The following DHX29 variants were observed in gnomAD, a reference collection of about 807,000 sequenced individuals.
The protein encoded by DHX29 is DExH-box helicase 29.
DHX29 carries 79 observed loss-of-function variants against 167.9 expected under a neutral mutation model. That is an observed-to-expected ratio of 0.47 (90% CI 0.39 to 0.57). DHX29 has a LOEUF of 0.57. DHX29 is among the 20% of genes least tolerant of loss of function. The probability of loss-of-function intolerance (pLI) is 0.00; values close to 1 mark genes in which losing one functional copy is unlikely to be tolerated. For missense variants in DHX29, 1,347 were observed against 1,593.4 expected (o/e 0.85, Z 2.63); for synonymous variants, 530 against 546.0 (o/e 0.97, Z 0.41).
At chr5:55,277,369 TAA>T (rs1017912674) in intron 12 of DHX29, 87 bp from the exon 13 acceptor site, 34 of 859,936 alleles carry the variant, frequency 4.0e-5, no homozygotes, top group Non-Finnish European at 5.6e-5. Context: ...CCAGATTTAC[TAA>T]AAGTTATTCA....
At chr5:55,267,033 T>C in intron 23 of DHX29, 105 bp downstream of exon 23, 1 of 671,944 alleles carries the variant, frequency 1.5e-6, no homozygotes, top group Non-Finnish European at 2.5e-6. Context: ...AAATGTTTAC[T>C]AAGCCCTTAC....
At position 55,261,461 on chromosome 5, in the gene DHX29, T is replaced by C; in HGVS notation, c.3867A>G (p.Leu1289=). The C allele has an allele frequency of 1.3e-6, 2 of 1,575,104 alleles. No individual in the cohort carries two copies. The highest frequency in any genetic ancestry group is 1.7e-6 in the Non-Finnish European group (2 of 1,145,080). ...AAAGTAAAACTGGAAAAGGGGTTAT[T>C]AGGGTAGTTTCTCTCAAATACACTC... is the stretch of plus-strand genomic sequence containing the variant. ...YARVYLRETT[L]ITPFPVLLFG... The change falls in exon 25 of 27, where the codon CTA becomes CTG. Residue 1289 remains leucine, a synonymous_variant. Transcript: ENST00000251636.
At chr5:55,299,867 C>T (rs1748514444) in intron 1 of DHX29, among the ~76,000 whole-genome samples, 1 of 152,168 alleles carries the variant, frequency 6.6e-6, no homozygotes, top group Non-Finnish European at 1.5e-5. Flanking sequence ...CAAGTCTGTT[C>T]CAGTGAACAG....
At chr5:55,263,291 T>C (rs190952386) in intron 23 of DHX29, among the ~76,000 whole-genome samples, 5 of 152,314 alleles carry the variant, frequency 3.3e-5, no homozygotes, top group East Asian at 1.9e-4. Flanking sequence ...TGAGAAAGAA[T>C]TGACAGAAAT....
chr5:55,301,331 GA>G (rs1748587895), intron 1 of DHX29, among the ~76,000 whole-genome samples: 1 of 152,144 alleles, frequency 6.6e-6, no homozygotes, highest in South Asian at 2.1e-4. Flanking sequence ...GAATTATTAT[GA>G]AAAGTTTTCA....
At chr5:55,266,426 C>T (rs1746575275) in intron 23 of DHX29, among the ~76,000 whole-genome samples, 1 of 151,016 alleles carries the variant, frequency 6.6e-6, no homozygotes, top group Non-Finnish European at 1.5e-5. Context: ...TCTTGTGCCT[C>T]AGCCTCCCGA....
chr5:55,281,501 T>C lies in DHX29; in HGVS notation c.1980A>G (p.Gly660=), dbSNP rs768561188. 2.5e-6 allele frequency: 4 copies of C among 1,591,920 alleles called. No individual in the cohort carries two copies. Among genetic ancestry groups the C allele is most frequent in the Admixed American group, 1.8e-5 (1 of 56,694 alleles). The part of the protein sequence containing the change: ...NGPGGRNSLC[G]YQIRMESRAC... ...CTCGAGATTCCATCCGGATCTGATA[T>C]CCACACAAGGAATTCTAAAGGGAGA... The change falls in exon 12 of 27, where the codon GGA becomes GGG. Residue 660 remains glycine, a synonymous_variant. Coordinates refer to ENST00000251636, the MANE Select transcript of DHX29 (RefSeq NM_019030.4).
intron 1 of DHX29, among the ~76,000 whole-genome samples, chr5:55,306,016 G>A (rs1206221829): frequency 6.6e-6 from 1 of 152,138 alleles, no homozygotes; most frequent in Non-Finnish European, 1.5e-5. Context: ...ATGACTATCG[G>A]TTCAAATTCA....
chr5:55,307,341 G>A (rs1165661044), intron 1 of DHX29, 46 bp downstream of exon 1: 1 of 1,538,166 alleles, frequency 6.5e-7, no homozygotes, highest in South Asian at 1.1e-5. Context: ...AGGACAAGCA[G>A]CAAGGTCTCA....
At chr5:55,269,306 CA>C in intron 21 of DHX29, 106 bp downstream of exon 21, 1 of 940,972 alleles carries the variant, frequency 1.1e-6, no homozygotes, top group African/African-American at 1.7e-5. Context: ...TTCGTATAGA[CA>C]TTCTATTTAG....
Position 55,276,289 on chromosome 5 carries a change from C to A in DHX29, c.2404G>T (p.Ala802Ser). 1 of 1,586,342 alleles carries A rather than the reference C, an allele frequency of 6.3e-7. No individual in the cohort carries two copies. Among genetic ancestry groups the A allele is most frequent in the Non-Finnish European group, 8.5e-7 (1 of 1,172,476 alleles). The change falls in exon 14 of 27, where the codon GCA becomes TCA. Residue 802 changes from alanine (A) to serine (S), a missense_variant. Transcript: ENST00000251636. ...EEVTINVTSK[A>S]GGIKKYQEYI... ...ACCTGATATTTTTTTATTCCCCCTG[C>A]TTTGCTTGTAACATTAATGGTTACT...
intron 3 of DHX29, 128 bp from the exon 4 acceptor site, chr5:55,296,477 C>A: frequency 8.2e-7 from 1 of 1,220,588 alleles, no homozygotes; most frequent in Non-Finnish European, 1.1e-6. Context: ...TTTTTTTTCC[C>A]AGTTAAAAAT....
intron 26 of DHX29, among the ~76,000 whole-genome samples, chr5:55,257,030 T>G (rs955803896): frequency 2.6e-5 from 4 of 152,132 alleles, no homozygotes; most frequent in Non-Finnish European, 1.5e-5. Context: ...AAACAAAAAA[T>G]TCTAACAGGG....
chr5:55,289,444 TATA>T lies in DHX29; in HGVS notation c.908-19_908-17del. ...GTTTCCATTTCTACCAAGAAAAAAA[TATA>T]ATGTTTAGTTTCATGGTTTTAAAAA... On this transcript the variant is annotated splice_polypyrimidine_tract_variant and intron_variant, in intron 7 of 26. Transcript: ENST00000251636. The T allele has an allele frequency of 6.6e-7, 1 of 1,513,730 alleles. No homozygotes were observed. Among genetic ancestry groups the T allele is most frequent in the Non-Finnish European group, 8.8e-7 (1 of 1,141,464 alleles). The allele number at this position is 1,513,730 out of a possible 1,614,324, so 93.8% of individuals were successfully genotyped here. A position where few individuals can be genotyped will look rare whatever the true frequency, so the allele number is the denominator to read the frequency against.
At chr5:55,281,880 G>C (rs1240414994) in intron 11 of DHX29, among the ~76,000 whole-genome samples, 1 of 151,424 alleles carries the variant, frequency 6.6e-6, no homozygotes, top group African/African-American at 2.4e-5. Context: ...CCACCTCTTG[G>C]GTTCAAGCGA....
At chr5:55,282,505 T>C (rs1483983505) in intron 11 of DHX29, among the ~76,000 whole-genome samples, 1 of 152,220 alleles carries the variant, frequency 6.6e-6, no homozygotes, top group Non-Finnish European at 1.5e-5. Context: ...AGAAAACTTT[T>C]AATGAAGGGG....
At chr5:55,276,488 C>CTT in intron 13 of DHX29, 82 bp from the exon 14 acceptor site, 1 of 1,052,536 alleles carries the variant, frequency 9.5e-7, no homozygotes, top group African/African-American at 1.7e-5. Flanking sequence ...GGGACACCAC[C>CTT]TTTTGAATGT....
chr5:55,283,083 G>T, intron 11 of DHX29, 120 bp downstream of exon 11: 1 of 1,077,486 alleles, frequency 9.3e-7, no homozygotes, highest in Non-Finnish European at 1.3e-6. Context: ...CCTGAAATGT[G>T]CTACTGATCA....
At chr5:55,264,382 C>T (rs4865929) in intron 23 of DHX29, among the ~76,000 whole-genome samples, 8,968 of 152,174 alleles carry the variant, frequency 0.059, 464 homozygotes, top group African/African-American at 0.12. Context: ...TCACAACCAG[C>T]CACTAAGTAT....
Sources: gnomAD v4.1 joint callset for allele counts (sites outside exome capture counted in the v4.1 genomes callset) on GRCh38, gnomAD v4.1.1 for gene constraint, MANE v1.5 for transcripts, NCBI Gene and HGNC (gene_info 2026-07-23, HGNC 2026-07-21) for gene names.